Variants in LINGO2 observed in about 807,000 individuals in gnomAD.
LINGO2 encodes leucine-rich repeat and immunoglobulin-like domain-containing nogo receptor-interacting protein 2.
LINGO2 carries 14 observed loss-of-function variants against 30.6 expected under a neutral mutation model. The observed-to-expected ratio is 0.46, with a 90% confidence interval of 0.30 to 0.72. The LOEUF (loss-of-function observed/expected upper bound fraction) is 0.72, where lower values mean the gene tolerates loss of function less well. LINGO2 is among the 30% of genes least tolerant of loss of function. The pLI is 0.07. For missense variants in LINGO2, 729 were observed against 751.7 expected, an observed-to-expected ratio of 0.97 and a Z score of 0.35; for synonymous variants, 317 against 288.5, an observed-to-expected ratio of 1.10 and a Z score of -1.00.
the LINGO2 span, among the ~76,000 whole-genome samples, chr9:28,780,407 A>G: frequency 2.9e-3 from 438 of 152,256 alleles, 5 homozygotes; most frequent in African/African-American, 9.9e-3. Flanking sequence ...ACAGGAATCT[A>G]TATTTTGAGT....
At chr9:28,396,153 T>A (rs1440295279) in intron 2 of LINGO2, among the ~76,000 whole-genome samples, 1 of 152,144 alleles carries the variant, frequency 6.6e-6, no homozygotes, top group Non-Finnish European at 1.5e-5. Flanking sequence ...TGATGATTTA[T>A]TTAACAGACA....
intron 4 of LINGO2, among the ~76,000 whole-genome samples, chr9:28,146,714 A>G (rs1421123699): frequency 1.3e-5 from 2 of 152,200 alleles, no homozygotes; most frequent in African/African-American, 2.4e-5. Context: ...TGGGCATAAG[A>G]AAACCTAGAG....
chr9:28,829,503 G>C, the LINGO2 span, among the ~76,000 whole-genome samples: 1 of 152,202 alleles, frequency 6.6e-6, no homozygotes, highest in African/African-American at 2.4e-5. Flanking sequence ...GGCTTCAGGG[G>C]ATAACATGGG....
the LINGO2 span, among the ~76,000 whole-genome samples, chr9:28,797,359 T>TATAGAGAGAGAGAGAGAGAG: frequency 2.3e-4 from 8 of 34,210 alleles, no homozygotes; most frequent in African/African-American, 2.9e-4. Flanking sequence ...TATATATATA[T>TATAGAGAGAGAGAGAGAGAG]AGAGAGAGAG....
At chr9:28,273,960 C>T (rs1263222781) in intron 4 of LINGO2, among the ~76,000 whole-genome samples, 1 of 152,096 alleles carries the variant, frequency 6.6e-6, no homozygotes, top group Non-Finnish European at 1.5e-5. Flanking sequence ...CCCCTTTCCT[C>T]CAGATAGAAA....
the LINGO2 span, among the ~76,000 whole-genome samples, chr9:28,896,722 A>T: frequency 6.6e-6 from 1 of 152,226 alleles, no homozygotes; most frequent in East Asian, 1.9e-4. Context: ...AATTTTTCTG[A>T]GACTCAGTTT....
intron 4 of LINGO2, among the ~76,000 whole-genome samples, chr9:28,044,244 T>G (rs1824316884): frequency 6.6e-6 from 1 of 152,206 alleles, no homozygotes; most frequent in Non-Finnish European, 1.5e-5. Context: ...CCTCAAGGAT[T>G]AAGTACATTC....
the LINGO2 span, among the ~76,000 whole-genome samples, chr9:28,686,103 G>A: frequency 2.0e-5 from 3 of 151,826 alleles, no homozygotes; most frequent in African/African-American, 7.3e-5. Flanking sequence ...GCCCAGATAT[G>A]GGGCAGAAAT....
the LINGO2 span, among the ~76,000 whole-genome samples, chr9:29,177,510 G>A: frequency 1.3e-5 from 2 of 152,000 alleles, no homozygotes; most frequent in African/African-American, 2.4e-5. Context: ...CTTAAAGAAG[G>A]CTCCCAAAAT....
intron 4 of LINGO2, among the ~76,000 whole-genome samples, chr9:28,015,843 G>A (rs1038991696): frequency 6.6e-6 from 1 of 151,782 alleles, no homozygotes; most frequent in African/African-American, 2.4e-5. Context: ...ATATATATTG[G>A]ATATAACTAT....
At chr9:28,969,159 A>G in the LINGO2 span, among the ~76,000 whole-genome samples, 1 of 152,184 alleles carries the variant, frequency 6.6e-6, no homozygotes, top group Non-Finnish European at 1.5e-5. Context: ...TTATTTATAC[A>G]TTAGAAGAAG....
chr9:28,634,043 A>T (rs1439519320), intron 1 of LINGO2, among the ~76,000 whole-genome samples: 2 of 152,156 alleles, frequency 1.3e-5, no homozygotes, highest in Admixed American at 1.3e-4. Flanking sequence ...AACAAGAAAG[A>T]GGCACAATTA....
chr9:28,600,451 A>G (rs1040224090), intron 1 of LINGO2, among the ~76,000 whole-genome samples: 1 of 152,122 alleles, frequency 6.6e-6, no homozygotes, highest in African/African-American at 2.4e-5. Context: ...AAAAGGAAGC[A>G]ATGTGTTTAT....
At chr9:28,906,200 A>C in the LINGO2 span, among the ~76,000 whole-genome samples, 1 of 151,972 alleles carries the variant, frequency 6.6e-6, no homozygotes, top group Non-Finnish European at 1.5e-5. Context: ...GTTCATTTAG[A>C]TAGGAGGAAT....
At chr9:28,512,201 G>A (rs1169342594) in intron 1 of LINGO2, among the ~76,000 whole-genome samples, 7 of 152,046 alleles carry the variant, frequency 4.6e-5, no homozygotes, top group Non-Finnish European at 4.4e-5. Flanking sequence ...GAAAGCACCC[G>A]GTTCACGGTA....
chr9:28,810,511 T>C, the LINGO2 span, among the ~76,000 whole-genome samples: 309 of 152,244 alleles, frequency 2.0e-3, no homozygotes, highest in African/African-American at 5.4e-3. Context: ...GAGAATTGTG[T>C]TGAAAAAGGC....
intron 4 of LINGO2, among the ~76,000 whole-genome samples, chr9:28,052,843 G>A (rs1316801793): frequency 6.6e-6 from 1 of 151,998 alleles, no homozygotes; most frequent in African/African-American, 2.4e-5. Context: ...GTAATCATTT[G>A]GATATTTTAT....
intron 1 of LINGO2, among the ~76,000 whole-genome samples, chr9:28,563,966 A>G (rs557808613): frequency 1.8e-4 from 28 of 152,282 alleles, no homozygotes; most frequent in African/African-American, 6.5e-4. Context: ...TTATAAATGT[A>G]GTGATGCATC....
intron 5 of LINGO2, among the ~76,000 whole-genome samples, chr9:28,002,591 C>T (rs1822016767): frequency 6.6e-6 from 1 of 152,272 alleles, no homozygotes; most frequent in Middle Eastern, 3.4e-3. Context: ...TTGTTGCCCT[C>T]TGTAAGAATT....
Sources: gnomAD v4.1 joint callset for allele counts (sites outside exome capture counted in the v4.1 genomes callset) on GRCh38, gnomAD v4.1.1 for gene constraint, MANE v1.5 for transcripts, NCBI Gene and HGNC (gene_info 2026-07-23, HGNC 2026-07-21) for gene names.